PDE11A: variants seen among roughly 807,000 people sequenced by gnomAD.
The protein encoded by PDE11A is dual 3',5'-cyclic-AMP and -GMP phosphodiesterase 11A.
Under a neutral mutation model 100.5 loss-of-function variants are expected in PDE11A, and 100 were observed. The observed-to-expected ratio is 1.00, with a 90% CI of 0.85 to 1.18. PDE11A has a LOEUF of 1.18. Ranked by LOEUF, PDE11A falls within the 50% of genes most tolerant of loss-of-function variation. The pLI is 0.00. For synonymous variants in PDE11A, 381 were observed against 420.8 expected (o/e 0.91, Z 1.16); for missense variants, 1,141 against 1,152.6 (o/e 0.99, Z 0.15).
intron 5 of PDE11A, among the ~76,000 whole-genome samples, chr2:177,854,594 G>A (rs866849823): frequency 1.3e-5 from 2 of 152,092 alleles, no homozygotes; most frequent in Non-Finnish European, 2.9e-5. Context: ...TTCCCTGAGA[G>A]ATGTGCTTAG....
chr2:177,726,121 T>C (rs532397365), intron 12 of PDE11A, among the ~76,000 whole-genome samples: 1 of 152,206 alleles, frequency 6.6e-6, no homozygotes, highest in East Asian at 1.9e-4. Flanking sequence ...ACTTGAGCTA[T>C]TAAGCCTCAT....
At position 177,784,868 on chromosome 2, in the gene PDE11A, C is replaced by T. The variant is rs1558936836; in HGVS notation, c.1738-15495G>A. On this transcript the variant is annotated intron_variant, in intron 9 of 19. Coordinates refer to ENST00000286063, the MANE Select transcript of PDE11A (RefSeq NM_016953.4). ...ATCAGAATTCATGCTATGAATTGCC[C>T]TAGGCTTGTAGTCTGAACTTGTTCT... Among the ~76,000 whole-genome samples the T allele has an allele frequency of 2.6e-5, 4 of 152,192 alleles. No individual in the cohort carries two copies. The South Asian group carries it at 8.3e-4, about 32-fold the overall frequency.
chr2:177,793,889 T>C (rs1173054458), intron 9 of PDE11A, among the ~76,000 whole-genome samples: 1 of 152,170 alleles, frequency 6.6e-6, no homozygotes, highest in Admixed American at 6.5e-5. Context: ...CATTATGAAT[T>C]TGAGGCAGGA....
intron 2 of PDE11A, among the ~76,000 whole-genome samples, chr2:177,937,051 C>A (rs1448379938): frequency 6.6e-6 from 1 of 152,078 alleles, no homozygotes; most frequent in East Asian, 1.9e-4. Flanking sequence ...TTACTATGCC[C>A]CTAAAATATT....
At chr2:178,033,167 A>G (rs2086570223) in intron 1 of PDE11A, among the ~76,000 whole-genome samples, 1 of 152,188 alleles carries the variant, frequency 6.6e-6, no homozygotes, top group Non-Finnish European at 1.5e-5. Flanking sequence ...GGTTACAGGA[A>G]CTGCTAACTA....
chr2:178,063,099 A>G (rs2086994246), intron 1 of PDE11A, among the ~76,000 whole-genome samples: 1 of 152,204 alleles, frequency 6.6e-6, no homozygotes, highest in African/African-American at 2.4e-5. Flanking sequence ...GAGATTTCAT[A>G]TGGGGATTTA....
intron 17 of PDE11A, among the ~76,000 whole-genome samples, chr2:177,672,828 G>A (rs1022698819): frequency 3.9e-5 from 6 of 152,164 alleles, no homozygotes; most frequent in Non-Finnish European, 7.3e-5. Flanking sequence ...CTATGAAAAT[G>A]AAAATTGCGA....
In PDE11A at chr2:177,909,400, C is replaced by T. The variant is rs114860488; in HGVS notation, c.1072-4213G>A. Among the ~76,000 whole-genome samples the T allele has an allele frequency of 1.9e-3, 282 of 152,196 alleles. 2 individuals carry two copies. Among genetic ancestry groups the T allele is most frequent in the African/African-American group, 6.4e-3 (266 of 41,502 alleles). On this transcript the variant is annotated intron_variant, in intron 2 of 19. Transcript: ENST00000286063. ...CAGATCAGCTCAATTTAACAAGAGC[C>T]GCCCGACTGCCTTCTCCCGTCAGGC... is the stretch of plus-strand genomic sequence containing the variant.
At chr2:177,718,367 G>A (rs1415586918) in intron 12 of PDE11A, among the ~76,000 whole-genome samples, 1 of 152,216 alleles carries the variant, frequency 6.6e-6, no homozygotes, top group African/African-American at 2.4e-5. Context: ...CCTAAGTTGA[G>A]GTGTGGGTTC....
chr2:178,089,699 T>A (rs114014311), intron 2 of PDE11A, among the ~76,000 whole-genome samples: 1,816 of 152,332 alleles, frequency 0.012, 32 homozygotes, highest in East Asian at 0.071. Flanking sequence ...GGTCAAACGA[T>A]CTTTGTTAAT....
intron 2 of PDE11A, among the ~76,000 whole-genome samples, chr2:177,980,190 AT>A (rs2085864242): frequency 6.6e-6 from 1 of 150,518 alleles, no homozygotes; most frequent in Non-Finnish European, 1.5e-5. Context: ...CTAAGGAGAA[AT>A]TTTAGGCATT....
At chr2:177,840,167 GTAAGTAT>G in intron 6 of PDE11A, 77 bp downstream of exon 6, 1 of 1,361,634 alleles carries the variant, frequency 7.3e-7, no homozygotes, top group Non-Finnish European at 1.0e-6. Flanking sequence ...AGAATTGCTG[GTAAGTAT>G]TCCTTTTTGT....
At chr2:177,944,007 G>A (rs1320352925) in intron 2 of PDE11A, among the ~76,000 whole-genome samples, 3 of 152,178 alleles carry the variant, frequency 2.0e-5, no homozygotes, top group Non-Finnish European at 2.9e-5. Flanking sequence ...TACACATTCA[G>A]AAGTTAATGT....
intron 1 of PDE11A, among the ~76,000 whole-genome samples, chr2:178,062,813 C>T (rs902735879): frequency 3.9e-5 from 6 of 152,032 alleles, no homozygotes; most frequent in South Asian, 2.1e-4. Flanking sequence ...AAATGTAATG[C>T]TAGTATTAAA....
intron 2 of PDE11A, among the ~76,000 whole-genome samples, chr2:177,921,066 A>G (rs1006690201): frequency 5.8e-4 from 88 of 151,510 alleles, no homozygotes; most frequent in African/African-American, 2.0e-3. Context: ...CATCTCAAAA[A>G]AAAAAAAAAA....
At chr2:177,691,368 C>T (rs2081038444) in intron 15 of PDE11A, among the ~76,000 whole-genome samples, 1 of 152,188 alleles carries the variant, frequency 6.6e-6, no homozygotes, top group Admixed American at 6.5e-5. Context: ...GCCTCCACAT[C>T]CACCCTGCAC....
At chr2:177,769,063 CT>C (rs113104150) in intron 10 of PDE11A, among the ~76,000 whole-genome samples, 105 of 152,154 alleles carry the variant, frequency 6.9e-4, no homozygotes, top group African/African-American at 2.4e-3. Flanking sequence ...ATATTATAGA[CT>C]TTTTTTTCCC....
chr2:177,788,144 G>T (rs1386290345), intron 9 of PDE11A, among the ~76,000 whole-genome samples: 3 of 151,632 alleles, frequency 2.0e-5, no homozygotes, highest in Non-Finnish European at 1.5e-5. Flanking sequence ...GGAAGTAAAG[G>T]TCTCCTCAGC....
At chr2:177,697,478 T>C in intron 14 of PDE11A, 46 bp from the exon 15 acceptor site, 1 of 912,408 alleles carries the variant, frequency 1.1e-6, no homozygotes, top group South Asian at 1.3e-5. Flanking sequence ...AAATCTGTGG[T>C]TGTTGATTAC....
Sources: allele counts gnomAD v4.1 joint callset (sites outside exome capture counted in the v4.1 genomes callset), GRCh38; gene constraint gnomAD v4.1.1; transcripts MANE v1.5; gene names NCBI Gene and HGNC (gene_info 2026-07-23, HGNC 2026-07-21).